The following LIMCH1 variants were observed in gnomAD, a reference collection of about 807,000 sequenced individuals.
LIMCH1 encodes the protein LIM and calponin homology domains 1.
Under a neutral mutation model 176.5 loss-of-function variants are expected in LIMCH1, and 113 were observed. That is an observed-to-expected ratio of 0.64 (90% CI 0.55 to 0.75). The LOEUF is 0.75. Ranked by LOEUF, LIMCH1 falls within the 30% of genes least tolerant of loss-of-function variation. The pLI, the probability that LIMCH1 is intolerant of heterozygous loss-of-function variation, is 0.00. For synonymous variants in LIMCH1, 619 were observed against 645.9 expected (o/e 0.96, Z 0.63); for missense variants, 1,674 against 1,814.9 (o/e 0.92, Z 1.41).
chr4:41,629,583 G>A lies in LIMCH1; in HGVS notation c.1120G>A (p.Val374Met), dbSNP rs2093189736. 22 of 1,536,042 alleles carry A rather than the reference G, an allele frequency of 1.4e-5. 1 individual carries two copies. In the East Asian group the frequency reaches 5.4e-4, roughly 38 times the overall value. ...ACCTGTGGAAGGAGGACTCAGGAAG[G>A]TGCCAGATCTTCACAAGGATGACCT... The part of the protein sequence containing the change: ...SEPVEGGLRK[V>M]PDLHKDDLAQ... The change falls in exon 9 of 32, where the codon GTG becomes ATG. Residue 374 changes from valine (V) to methionine (M), a missense_variant. Around this residue, in one of 3 missense-constraint regions of LIMCH1, gnomAD observed 655 missense variants for 692.2 expected, o/e 0.95. Transcript: ENST00000503057.
intron 25 of LIMCH1, 76 bp downstream of exon 25, chr4:41,681,135 A>G: frequency 1.2e-6 from 1 of 814,998 alleles, no homozygotes; most frequent in East Asian, 2.5e-5. Context: ...GACCAAGGTT[A>G]CCGAACAGAC....
At chr4:41,540,693 C>T (rs542079073) in intron 1 of LIMCH1, among the ~76,000 whole-genome samples, 13 of 152,028 alleles carry the variant, frequency 8.6e-5, no homozygotes, top group African/African-American at 2.4e-4. Context: ...GAGCTGAGAT[C>T]GCACCACTGC....
At chr4:41,642,033 C>G (rs906559165) in intron 14 of LIMCH1, among the ~76,000 whole-genome samples, 2 of 152,160 alleles carry the variant, frequency 1.3e-5, no homozygotes, top group Non-Finnish European at 2.9e-5. Context: ...TAATCAAATC[C>G]CAGATCCTGG....
chr4:41,547,995 A>G (rs2079833720), intron 1 of LIMCH1, among the ~76,000 whole-genome samples: 1 of 150,486 alleles, frequency 6.6e-6, no homozygotes, highest in South Asian at 2.1e-4. Flanking sequence ...ATTTTTCCCT[A>G]AACCTCTATT....
At chr4:41,593,571 T>C (rs1017202736) in intron 1 of LIMCH1, among the ~76,000 whole-genome samples, 1 of 152,196 alleles carries the variant, frequency 6.6e-6, no homozygotes, top group African/African-American at 2.4e-5. Flanking sequence ...AAGAACCTTT[T>C]CTCACAACCT....
intron 1 of LIMCH1, among the ~76,000 whole-genome samples, chr4:41,400,410 C>T (rs1044210533): frequency 2.6e-5 from 4 of 151,952 alleles, no homozygotes; most frequent in African/African-American, 9.7e-5. Flanking sequence ...TTATGAATGT[C>T]GGGGAAGGTA....
At chr4:41,601,913 G>T (rs1264153072) in intron 2 of LIMCH1, among the ~76,000 whole-genome samples, 2 of 152,110 alleles carry the variant, frequency 1.3e-5, no homozygotes, top group Non-Finnish European at 2.9e-5. Flanking sequence ...CAGGACATCT[G>T]TAGACACAGA....
chr4:41,624,328 C>A (rs1306784747), intron 7 of LIMCH1, among the ~76,000 whole-genome samples: 1 of 151,940 alleles, frequency 6.6e-6, no homozygotes, highest in East Asian at 1.9e-4. Context: ...AAAAAACCTC[C>A]GAGGAACAAT....
At chr4:41,570,555 A>G (rs2083404083) in intron 1 of LIMCH1, among the ~76,000 whole-genome samples, 1 of 152,320 alleles carries the variant, frequency 6.6e-6, no homozygotes, top group African/African-American at 2.4e-5. Flanking sequence ...TTGAGGAAGA[A>G]TGAATCCTGG....
chr4:41,441,913 A>G (rs1482435219), intron 1 of LIMCH1, among the ~76,000 whole-genome samples: 1 of 152,166 alleles, frequency 6.6e-6, no homozygotes, highest in Non-Finnish European at 1.5e-5. Context: ...GGAAATAGAG[A>G]GTAATTAGAC....
At chr4:41,579,916 G>A (rs1330852097) in intron 1 of LIMCH1, among the ~76,000 whole-genome samples, 1 of 152,214 alleles carries the variant, frequency 6.6e-6, no homozygotes, top group Admixed American at 6.5e-5. Flanking sequence ...GGGCTGCAGA[G>A]GAGCTGCTTT....
intron 18 of LIMCH1, among the ~76,000 whole-genome samples, chr4:41,651,070 G>A (rs980160969): frequency 8.0e-5 from 12 of 149,810 alleles, no homozygotes; most frequent in Non-Finnish European, 1.6e-4. Flanking sequence ...GTAATGGTGC[G>A]ATCTTGGCTC....
At chr4:41,603,756 C>T in intron 2 of LIMCH1, 119 bp from the exon 3 acceptor site, 1 of 636,770 alleles carries the variant, frequency 1.6e-6, no homozygotes, top group Non-Finnish European at 2.7e-6. Context: ...AAAAATAATA[C>T]ATTCTTCTGA....
chr4:41,476,255 A>G (rs112833912), intron 1 of LIMCH1, among the ~76,000 whole-genome samples: 2,869 of 152,366 alleles, frequency 0.019, 28 homozygotes, highest in South Asian at 0.067. Flanking sequence ...TTGGTTAAAC[A>G]TGATTCTCAC....
In LIMCH1 at chr4:41,390,269, A is replaced by AGAGAGAGC. The variant is rs760332127; in HGVS notation, c.96+29338_96+29339insAGCGAGAG. ...GAGAGAGAGAGAGAGAGAGAGAGAG[A>AGAGAGAGC]GAGAGCGAGAGCGCTCCTCATGCTG... On this transcript the variant is annotated intron_variant, in intron 1 of 26. Coordinates refer to the LIMCH1 transcript ENST00000313860. 6.9e-3 allele frequency among the ~76,000 whole-genome samples: 1,040 copies of AGAGAGAGC among 150,348 alleles called. 6 individuals are homozygous for AGAGAGAGC. Among genetic ancestry groups the AGAGAGAGC allele is most frequent in the African/African-American group, 0.022 (874 of 40,470 alleles).
chr4:41,403,183 T>A (rs1168735465), intron 1 of LIMCH1, among the ~76,000 whole-genome samples: 1 of 152,086 alleles, frequency 6.6e-6, no homozygotes. Flanking sequence ...CAATAGACAT[T>A]TTATTACTAA....
intron 1 of LIMCH1, among the ~76,000 whole-genome samples, chr4:41,457,743 C>T (rs1447169250): frequency 6.6e-6 from 1 of 152,142 alleles, no homozygotes; most frequent in African/African-American, 2.4e-5. Context: ...TAAGAAATCA[C>T]ATGATGCTGC....
intron 7 of LIMCH1, among the ~76,000 whole-genome samples, chr4:41,624,778 C>T (rs2092830550): frequency 6.6e-6 from 1 of 152,066 alleles, no homozygotes; most frequent in Non-Finnish European, 1.5e-5. Flanking sequence ...TCTTCCTTAG[C>T]TTAAATCATT....
intron 1 of LIMCH1, among the ~76,000 whole-genome samples, chr4:41,548,207 A>G (rs1384794871): frequency 4.0e-5 from 6 of 151,888 alleles, no homozygotes. Flanking sequence ...TTAATCTATA[A>G]TCTTACCATG....
Sources: gnomAD v4.1 joint callset for allele counts (sites outside exome capture counted in the v4.1 genomes callset) on GRCh38, gnomAD v4.1.1 for gene constraint, gnomAD v4.1.1 regional missense constraint, MANE v1.5 for transcripts, NCBI Gene and HGNC (gene_info 2026-07-23, HGNC 2026-07-21) for gene names.